Variants in TENM4 observed in about 807,000 individuals in gnomAD.
The protein encoded by TENM4 is teneurin-4.
A neutral mutation model predicts 243.3 loss-of-function variants in TENM4; 82 were observed. The observed-to-expected ratio is 0.34, with a 90% CI of 0.28 to 0.40. TENM4 has a LOEUF of 0.40. TENM4 is among the 10% of genes least tolerant of loss of function. TENM4 has a pLI of 1.00. For missense variants in TENM4, 3,138 were observed against 3,673.3 expected, an observed-to-expected ratio of 0.85 and a Z score of 3.77; for synonymous variants, 1,412 against 1,456.3, an observed-to-expected ratio of 0.97 and a Z score of 0.69.
intron 5 of TENM4, 50 bp downstream of exon 5, chr11:79,069,672 G>C (rs1194145233): frequency 6.6e-7 from 1 of 1,514,012 alleles, no homozygotes; most frequent in East Asian, 2.5e-5. Context: ...ATGCCTACCT[G>C]AGCCAAGCTC....
intron 14 of TENM4, among the ~76,000 whole-genome samples, chr11:78,805,791 C>T (rs1392830657): frequency 4.6e-5 from 7 of 152,188 alleles, no homozygotes; most frequent in Non-Finnish European, 8.8e-5. Context: ...GAATCTCCAC[C>T]TCCTAGAACA....
At chr11:79,407,750 A>G (rs1858603678) in intron 1 of TENM4, among the ~76,000 whole-genome samples, 1 of 152,184 alleles carries the variant, frequency 6.6e-6, no homozygotes, top group African/African-American at 2.4e-5. Context: ...CTTTATCAGT[A>G]GTTAACAAAT....
At chr11:78,714,836 T>C (rs1418603465) in intron 25 of TENM4, among the ~76,000 whole-genome samples, 2 of 152,172 alleles carry the variant, frequency 1.3e-5, no homozygotes, top group Non-Finnish European at 2.9e-5. Flanking sequence ...CTCCCTCCTC[T>C]GCAAACCTTC....
chr11:78,967,472 A>G (rs780531914), intron 6 of TENM4, among the ~76,000 whole-genome samples: 38 of 152,224 alleles, frequency 2.5e-4, no homozygotes, highest in Non-Finnish European at 1.3e-4. Flanking sequence ...TTAAAGCAGG[A>G]AAGTGACAAG....
rs142903909 is a variant in TENM4, at chr11:79,336,307, C to T, written c.-320-38764G>A. Among the ~76,000 whole-genome samples, 1,153 of 152,266 alleles carry T rather than the reference C, an allele frequency of 7.6e-3. 5 individuals carry two copies. Among genetic ancestry groups the T allele is most frequent in the Non-Finnish European group, 0.013 (896 of 68,006 alleles). On this transcript the variant is annotated intron_variant, in intron 1 of 33. Transcript: ENST00000278550. ...TGCATTGCTTTGAGCAAATCCCTGT[C>T]CTCCTCCAGGCCTCTAGCTTCTGAT...
intron 6 of TENM4, among the ~76,000 whole-genome samples, chr11:79,035,418 C>A (rs1859351486): frequency 6.6e-6 from 1 of 152,168 alleles, no homozygotes; most frequent in South Asian, 2.1e-4. Context: ...TCTGCTGTGC[C>A]TGTGGTAACT....
chr11:79,148,686 G>T, intron 4 of TENM4, 24 bp downstream of exon 4: 2 of 807,640 alleles, frequency 2.5e-6, no homozygotes, highest in Non-Finnish European at 3.0e-6. Context: ...AATACTCTCT[G>T]AAGTGTAAAA....
intron 1 of TENM4, among the ~76,000 whole-genome samples, chr11:79,329,284 T>A (rs553170611): frequency 6.6e-6 from 1 of 152,340 alleles, no homozygotes; most frequent in East Asian, 1.9e-4. Flanking sequence ...AGCTGGGTTC[T>A]TTAAGGATTC....
chr11:78,713,030 C>T (rs1859437742), intron 25 of TENM4, among the ~76,000 whole-genome samples: 1 of 152,230 alleles, frequency 6.6e-6, no homozygotes, highest in African/African-American at 2.4e-5. Flanking sequence ...GTGCTAAATA[C>T]ACGTTTTCTT....
chr11:78,686,032 C>T (rs1858660386), intron 29 of TENM4, among the ~76,000 whole-genome samples: 1 of 152,216 alleles, frequency 6.6e-6, no homozygotes, highest in Non-Finnish European at 1.5e-5. Context: ...CTTCTCCTGC[C>T]CTCCTCTCCA....
intron 1 of TENM4, among the ~76,000 whole-genome samples, chr11:79,390,218 G>T (rs9666050): frequency 0.019 from 2,859 of 152,192 alleles, 102 homozygotes; most frequent in African/African-American, 0.066. Context: ...GCAAGAGAGG[G>T]GTCCAGGAGA....
chr11:78,662,693 C>T (rs995479741), intron 32 of TENM4, among the ~76,000 whole-genome samples: 1 of 152,182 alleles, frequency 6.6e-6, no homozygotes, highest in Admixed American at 6.5e-5. Context: ...AGTCACCTGG[C>T]CCACTATTGC....
chr11:79,249,542 A>G (rs1855574358), intron 2 of TENM4, among the ~76,000 whole-genome samples: 1 of 152,262 alleles, frequency 6.6e-6, no homozygotes, highest in Non-Finnish European at 1.5e-5. Flanking sequence ...AAACTCAGCC[A>G]TCTGAAACTT....
At chr11:79,436,505 C>G (rs552404442) in intron 1 of TENM4, among the ~76,000 whole-genome samples, 118 of 152,192 alleles carry the variant, frequency 7.8e-4, no homozygotes, top group Non-Finnish European at 1.4e-3. Context: ...CACCTTACTC[C>G]CACAAAACCA....
chr11:78,709,090 C>G (rs1859336719), intron 26 of TENM4, among the ~76,000 whole-genome samples: 1 of 150,890 alleles, frequency 6.6e-6, no homozygotes. Flanking sequence ...GCCTTAGCCT[C>G]CCAGTTAGCT....
chr11:79,259,416 T>A (rs1393912073), intron 2 of TENM4, among the ~76,000 whole-genome samples: 4 of 152,170 alleles, frequency 2.6e-5, no homozygotes, highest in Non-Finnish European at 5.9e-5. Flanking sequence ...TAAAAATTCC[T>A]TCCTTCCTAG....
At chr11:79,204,497 A>G (rs935879922) in intron 3 of TENM4, among the ~76,000 whole-genome samples, 3 of 152,208 alleles carry the variant, frequency 2.0e-5, no homozygotes, top group African/African-American at 4.8e-5. Flanking sequence ...GTGGGCACAG[A>G]ACCATGCTTC....
chr11:79,262,912 A>C (rs1445675119), intron 2 of TENM4, among the ~76,000 whole-genome samples: 1 of 152,202 alleles, frequency 6.6e-6, no homozygotes, highest in Non-Finnish European at 1.5e-5. Context: ...ATATTCCCTG[A>C]ATTGAGTCGA....
chr11:78,792,027 C>T (rs569002194), intron 15 of TENM4, among the ~76,000 whole-genome samples: 12 of 152,290 alleles, frequency 7.9e-5, no homozygotes, highest in African/African-American at 2.9e-4. Flanking sequence ...CTTAATCTCT[C>T]TGAGACATAA....
Sources: gnomAD v4.1 joint callset for allele counts (sites outside exome capture counted in the v4.1 genomes callset) on GRCh38, gnomAD v4.1.1 for gene constraint, MANE v1.5 for transcripts, NCBI Gene and HGNC (gene_info 2026-07-23, HGNC 2026-07-21) for gene names.